The following RSU1 variants were observed in gnomAD, a reference collection of about 807,000 sequenced individuals.
RSU1 encodes Ras suppressor protein 1, also known as rsu-1.
Under a neutral mutation model 31.1 loss-of-function variants are expected in RSU1, and 26 were observed. The ratio of observed to expected loss-of-function variants is 0.84; its 90% CI spans 0.61 to 1.16. The LOEUF is 1.16. Ranked by LOEUF, RSU1 falls within the 50% of genes most tolerant of loss-of-function variation. The probability of loss-of-function intolerance (pLI) is 0.00; values close to 1 mark genes in which losing one functional copy is unlikely to be tolerated. For missense variants in RSU1, 320 were observed against 339.1 expected, an observed-to-expected ratio of 0.94 and a Z score of 0.44; for synonymous variants, 164 against 136.3, an observed-to-expected ratio of 1.20 and a Z score of -1.41.
chr10:16,600,567 T>TGG (rs1491231268), intron 8 of RSU1, among the ~76,000 whole-genome samples: 1 of 114,028 alleles, frequency 8.8e-6, no homozygotes, highest in African/African-American at 6.0e-5. Context: ...TTTTTTTTTT[T>TGG]AGGGGGGGGT....
At chr10:16,779,461 T>C (rs1161477545) in intron 3 of RSU1, among the ~76,000 whole-genome samples, 1 of 152,162 alleles carries the variant, frequency 6.6e-6, no homozygotes, top group Non-Finnish European at 1.5e-5. Flanking sequence ...ACCCTGTAGA[T>C]CTTAAGTCAG....
At chr10:16,786,882 T>C (rs1281676792) in intron 2 of RSU1, among the ~76,000 whole-genome samples, 1 of 152,090 alleles carries the variant, frequency 6.6e-6, no homozygotes, top group Non-Finnish European at 1.5e-5. Flanking sequence ...ACCTGGAAGT[T>C]TGGTACTGAT....
chr10:16,647,158 G>C (rs1834587277), intron 8 of RSU1, among the ~76,000 whole-genome samples: 1 of 152,012 alleles, frequency 6.6e-6, no homozygotes. Context: ...ATTTTAAGTA[G>C]AGATGGAGTT....
rs955085702 is a variant in RSU1 at position 16,650,783 on chromosome 10, G to C, written c.731+44240C>G. Among the ~76,000 whole-genome samples the C allele has an allele frequency of 3.3e-5, 5 of 151,824 alleles. No homozygotes were observed. The East Asian group carries it at 9.7e-4, about 29-fold the overall frequency. On this transcript the variant is annotated intron_variant, in intron 8 of 8. Transcript: ENST00000345264. ...TTTTTAGCAGAGATGAGGTTTCACCGTGTTAACCAGGATGGTCTTGATCTC... is the reference window on the plus strand; with the variant it reads ...TTTTTAGCAGAGATGAGGTTTCACCCTGTTAACCAGGATGGTCTTGATCTC...
chr10:16,760,599 C>A (rs1283158123), intron 4 of RSU1, among the ~76,000 whole-genome samples: 6 of 151,728 alleles, frequency 4.0e-5, no homozygotes, highest in Non-Finnish European at 8.8e-5. Flanking sequence ...CAAAAAAGAA[C>A]AAAATTTGAG....
chr10:16,597,293 C>T (rs1833632901), intron 8 of RSU1, among the ~76,000 whole-genome samples: 1 of 152,186 alleles, frequency 6.6e-6, no homozygotes, highest in Non-Finnish European at 1.5e-5. Flanking sequence ...GGGCTCTTCT[C>T]CTTTTTCGGA....
At chr10:16,647,417 G>C (rs1834592674) in intron 8 of RSU1, among the ~76,000 whole-genome samples, 1 of 152,150 alleles carries the variant, frequency 6.6e-6, no homozygotes, top group Non-Finnish European at 1.5e-5. Context: ...CAAGACAAAT[G>C]AAAACGTATG....
At chr10:16,646,485 T>C (rs1169031739) in intron 8 of RSU1, among the ~76,000 whole-genome samples, 2 of 152,118 alleles carry the variant, frequency 1.3e-5, no homozygotes, top group East Asian at 3.9e-4. Context: ...TCAAGTCCCT[T>C]CTCTCCAGCA....
chr10:16,712,726 G>C (rs1314701801), intron 7 of RSU1, among the ~76,000 whole-genome samples: 17 of 152,132 alleles, frequency 1.1e-4, no homozygotes, highest in Admixed American at 1.0e-3. Context: ...CTTCATACTA[G>C]AGGATTGAGA....
At chr10:16,649,477 A>G (rs954810223) in intron 8 of RSU1, among the ~76,000 whole-genome samples, 2 of 152,238 alleles carry the variant, frequency 1.3e-5, no homozygotes, top group African/African-American at 4.8e-5. Flanking sequence ...TACTAAAAAA[A>G]GACAAAAGCA....
chr10:16,611,549 A>G lies in RSU1; in HGVS notation c.732-18053T>C, dbSNP rs115416811. On this transcript the variant is annotated intron_variant, in intron 8 of 8. Transcript: ENST00000345264. ...TTGACAACTGTTGATTTGTTTCCAA[A>G]TACCACTTTGCTTCTTTCCCTGCAA... 1.7e-3 allele frequency among the ~76,000 whole-genome samples: 261 copies of G among 152,284 alleles called. 1 individual carries two copies. The highest frequency in any genetic ancestry group is 5.9e-3 in the African/African-American group (246 of 41,550).
intron 4 of RSU1, among the ~76,000 whole-genome samples, chr10:16,759,690 T>C (rs1041647926): frequency 1.3e-5 from 2 of 152,218 alleles, no homozygotes; most frequent in African/African-American, 4.8e-5. Flanking sequence ...GGATAATTGT[T>C]GAAGCCACAT....
At chr10:16,625,718 A>C (rs1177115864) in intron 8 of RSU1, among the ~76,000 whole-genome samples, 1 of 152,182 alleles carries the variant, frequency 6.6e-6, no homozygotes, top group African/African-American at 2.4e-5. Flanking sequence ...AGTGGACGGA[A>C]ATCAAGACGA....
chr10:16,801,738 G>GA (rs1020470259), intron 2 of RSU1, among the ~76,000 whole-genome samples: 1 of 151,858 alleles, frequency 6.6e-6, no homozygotes, highest in Non-Finnish European at 1.5e-5. Context: ...AAAGATAGCT[G>GA]AAAAATCCCA....
intron 2 of RSU1, among the ~76,000 whole-genome samples, chr10:16,799,038 C>T (rs555981634): frequency 6.6e-6 from 1 of 152,162 alleles, no homozygotes. Flanking sequence ...ACTAGAGATA[C>T]ATTGTCCTAA....
At chr10:16,746,079 T>C (rs189916666) in intron 7 of RSU1, among the ~76,000 whole-genome samples, 5 of 152,334 alleles carry the variant, frequency 3.3e-5, no homozygotes, top group African/African-American at 4.8e-5. Flanking sequence ...CATCCACTCA[T>C]TGTTAATTCT....
intron 8 of RSU1, among the ~76,000 whole-genome samples, chr10:16,625,597 G>T (rs1001412949): frequency 1.3e-5 from 2 of 152,308 alleles, no homozygotes; most frequent in South Asian, 4.1e-4. Context: ...AGGCATCACT[G>T]AGTGACCCAC....
intron 1 of RSU1, 93 bp downstream of exon 1, chr10:16,817,218 GGTCC>G: frequency 1.5e-6 from 1 of 671,296 alleles, no homozygotes; most frequent in Non-Finnish European, 2.7e-6. Flanking sequence ...CCCAGGGGCT[GGTCC>G]GGGTGCGGGG....
chr10:16,748,871 T>C (rs1430021783), intron 7 of RSU1, among the ~76,000 whole-genome samples: 1 of 142,256 alleles, frequency 7.0e-6, no homozygotes, highest in Non-Finnish European at 1.5e-5. Flanking sequence ...GCTCCATTTT[T>C]TTCCCAGAGC....
Sources: gnomAD v4.1 joint callset for allele counts (sites outside exome capture counted in the v4.1 genomes callset) on GRCh38, gnomAD v4.1.1 for gene constraint, MANE v1.5 for transcripts, NCBI Gene and HGNC (gene_info 2026-07-23, HGNC 2026-07-21) for gene names.